The following DPY19L2 variants were observed in gnomAD, a reference collection of about 807,000 sequenced individuals.
The protein encoded by DPY19L2 is probable C-mannosyltransferase DPY19L2.
Under a neutral mutation model 97.9 loss-of-function variants are expected in DPY19L2, and 34 were observed. The ratio of observed to expected loss-of-function variants is 0.35; its 90% CI spans 0.26 to 0.46. DPY19L2 has a LOEUF of 0.46. Ranked by LOEUF, DPY19L2 falls within the 20% of genes least tolerant of loss-of-function variation. The pLI, the probability that DPY19L2 is intolerant of heterozygous loss-of-function variation, is 1.00. For missense variants in DPY19L2, 623 were observed against 911.4 expected, an observed-to-expected ratio of 0.68 and a Z score of 4.07; for synonymous variants, 230 against 307.9, an observed-to-expected ratio of 0.75 and a Z score of 2.65.
At chr12:63,629,982 G>A (rs916821230) in intron 6 of DPY19L2, among the ~76,000 whole-genome samples, 4 of 152,008 alleles carry the variant, frequency 2.6e-5, no homozygotes, top group Admixed American at 2.0e-4. Context: ...CATAAGTGAA[G>A]GAGAAATAAA....
At chr12:63,589,387 A>AAAAAAAAAAAAAAAAAAAT (rs1280865508) in intron 16 of DPY19L2, among the ~76,000 whole-genome samples, 1 of 132,232 alleles carries the variant, frequency 7.6e-6, no homozygotes, top group Admixed American at 7.5e-5. Context: ...AAAAAAAAAA[A>AAAAAAAAAAAAAAAAAAAT]AAAAAGTAAA....
intron 19 of DPY19L2, among the ~76,000 whole-genome samples, chr12:63,578,852 G>A (rs891092622): frequency 9.9e-5 from 15 of 152,058 alleles, no homozygotes; most frequent in Admixed American, 4.6e-4. Context: ...ACTTTTCGAT[G>A]TCATGCTATG....
At chr12:63,615,613 A>G (rs945611043) in intron 11 of DPY19L2, among the ~76,000 whole-genome samples, 4 of 152,156 alleles carry the variant, frequency 2.6e-5, no homozygotes, top group Admixed American at 2.0e-4. Flanking sequence ...TTCTTCAACA[A>G]ATAAATTTCA....
intron 16 of DPY19L2, among the ~76,000 whole-genome samples, chr12:63,591,999 G>GGA (rs1883075820): frequency 4.6e-5 from 1 of 21,906 alleles, no homozygotes; most frequent in Non-Finnish European, 8.0e-5. Flanking sequence ...GGGAAGGGAG[G>GGA]GGAAGGGAGG....
intron 13 of DPY19L2, among the ~76,000 whole-genome samples, chr12:63,599,292 C>T (rs577132243): frequency 0.19 from 28,877 of 150,838 alleles, 4,069 homozygotes; most frequent in African/African-American, 0.42. Context: ...ACTTAGAAGG[C>T]CTAAATAAAG....
At chr12:63,584,035 C>T (rs1881376626) in intron 16 of DPY19L2, 199 bp from the exon 17 acceptor site, 2 of 523,226 alleles carry the variant, frequency 3.8e-6, no homozygotes, top group African/African-American at 3.9e-5. Flanking sequence ...TATAGTCATC[C>T]TATTCAAGAT....
chr12:63,618,739 T>C (rs998636694), intron 9 of DPY19L2, among the ~76,000 whole-genome samples: 1 of 152,132 alleles, frequency 6.6e-6, no homozygotes, highest in African/African-American at 2.4e-5. Context: ...CTCAATCTGA[T>C]TGCATAAAGG....
intron 6 of DPY19L2, among the ~76,000 whole-genome samples, chr12:63,628,919 G>C (rs1273027790): frequency 3.3e-5 from 5 of 151,640 alleles, no homozygotes; most frequent in Non-Finnish European, 7.4e-5. Context: ...AATATCCACT[G>C]CTCTGCAGCA....
chr12:63,626,999 G>A (rs546099093), intron 6 of DPY19L2, among the ~76,000 whole-genome samples: 18 of 152,022 alleles, frequency 1.2e-4, no homozygotes, highest in Admixed American at 2.0e-4. Flanking sequence ...AGCTAGTCTC[G>A]AACTCCTGAC....
At chr12:63,621,766 G>A (rs1888729000) in intron 8 of DPY19L2, among the ~76,000 whole-genome samples, 1 of 152,078 alleles carries the variant, frequency 6.6e-6, no homozygotes, top group South Asian at 2.1e-4. Flanking sequence ...TATAAGTGCT[G>A]ACAAAGTAAT....
intron 4 of DPY19L2, among the ~76,000 whole-genome samples, chr12:63,651,108 G>A (rs1394279328): frequency 6.6e-6 from 1 of 151,966 alleles, no homozygotes; most frequent in African/African-American, 2.4e-5. Flanking sequence ...CACACACCTA[G>A]AACCATCTGA....
At chr12:63,561,516 T>C (rs1025863674) in intron 21 of DPY19L2, among the ~76,000 whole-genome samples, 3 of 152,142 alleles carry the variant, frequency 2.0e-5, no homozygotes, top group African/African-American at 7.2e-5. Context: ...AAATATATTA[T>C]GTAGTCTTTT....
chr12:63,593,556 C>A (rs866846280), intron 16 of DPY19L2, among the ~76,000 whole-genome samples: 1 of 151,916 alleles, frequency 6.6e-6, no homozygotes, highest in Non-Finnish European at 1.5e-5. Context: ...AACCAAACAC[C>A]GCATATTCTC....
intron 19 of DPY19L2, among the ~76,000 whole-genome samples, chr12:63,577,884 AG>A (rs1880147573): frequency 6.6e-6 from 1 of 152,158 alleles, no homozygotes. Flanking sequence ...AAGAGTTTGG[AG>A]GTTCCTCAAA....
At chr12:63,637,289 T>C (rs1891889876) in intron 6 of DPY19L2, among the ~76,000 whole-genome samples, 1 of 151,978 alleles carries the variant, frequency 6.6e-6, no homozygotes, top group African/African-American at 2.4e-5. Flanking sequence ...TAAAGCAGTG[T>C]ATAGAGGAAA....
chr12:63,585,977 T>A (rs1283358531), intron 16 of DPY19L2, among the ~76,000 whole-genome samples: 1 of 152,100 alleles, frequency 6.6e-6, no homozygotes, highest in Non-Finnish European at 1.5e-5. Context: ...AAGTTGACAG[T>A]ATTAAAGACT....
chr12:63,622,349 TA>T (rs1888828899), intron 8 of DPY19L2, among the ~76,000 whole-genome samples: 2 of 152,168 alleles, frequency 1.3e-5, no homozygotes, highest in African/African-American at 4.8e-5. Context: ...TTCCATCACC[TA>T]ATCTTTGAGA....
chr12:63,664,715 A>G (rs1214201695), intron 2 of DPY19L2, among the ~76,000 whole-genome samples: 2 of 152,216 alleles, frequency 1.3e-5, no homozygotes, highest in African/African-American at 4.8e-5. Context: ...GCTATGGTCA[A>G]CAATTATGCT....
At chr12:63,631,075 G>T (rs1476364503) in intron 6 of DPY19L2, among the ~76,000 whole-genome samples, 2 of 152,030 alleles carry the variant, frequency 1.3e-5, no homozygotes, top group African/African-American at 4.8e-5. Flanking sequence ...GCAGTGTGTA[G>T]AGGGAAATTT....
Sources: gnomAD v4.1 joint callset for allele counts (sites outside exome capture counted in the v4.1 genomes callset) on GRCh38, gnomAD v4.1.1 for gene constraint, MANE v1.5 for transcripts, NCBI Gene and HGNC (gene_info 2026-07-23, HGNC 2026-07-21) for gene names.